The following VWA3B variants were observed in gnomAD, a reference collection of about 807,000 sequenced individuals.
The protein encoded by VWA3B is von Willebrand factor A domain containing 3B, also known as von Willebrand factor A domain-containing protein 3B.
In VWA3B, 138 loss-of-function variants were observed where a neutral mutation model predicts 158.3. The ratio of observed to expected loss-of-function variants is 0.87; its 90% CI spans 0.76 to 1.00. The LOEUF is 1.00. VWA3B is among the 50% of genes least tolerant of loss of function. The pLI is 0.00. For missense variants in VWA3B, 1,555 were observed against 1,565.1 expected (o/e 0.99, Z 0.11); for synonymous variants, 596 against 587.3 (o/e 1.01, Z -0.21).
At chr2:98,216,693 G>A (rs1265926221) in intron 13 of VWA3B, 1 of 471,402 alleles carries the variant, frequency 2.1e-6, no homozygotes, top group African/African-American at 2.0e-5. Flanking sequence ...CCTTATCCTA[G>A]GCTGACAGCA....
At chr2:98,192,538 T>C (rs1167076640) in intron 10 of VWA3B, among the ~76,000 whole-genome samples, 1 of 152,028 alleles carries the variant, frequency 6.6e-6, no homozygotes, top group Non-Finnish European at 1.5e-5. Flanking sequence ...TCTTTTGTGG[T>C]GGAATGTCAT....
At chr2:98,243,318 T>C (rs1392851947) in intron 19 of VWA3B, among the ~76,000 whole-genome samples, 1 of 152,058 alleles carries the variant, frequency 6.6e-6, no homozygotes, top group Non-Finnish European at 1.5e-5. Context: ...CAAGTTTAGA[T>C]TGAAAAACTG....
intron 7 of VWA3B, among the ~76,000 whole-genome samples, chr2:98,146,938 A>T (rs1677215509): frequency 6.6e-6 from 1 of 152,210 alleles, no homozygotes; most frequent in African/African-American, 2.4e-5. Context: ...TGGAGTGGAC[A>T]GTGTCAGCCA....
chr2:98,128,628 G>C (rs528705107), intron 6 of VWA3B, among the ~76,000 whole-genome samples: 16 of 152,198 alleles, frequency 1.1e-4, no homozygotes, highest in Admixed American at 7.8e-4. Flanking sequence ...TTGGTGCCTT[G>C]CTGGTCCAGG....
At chr2:98,159,655 A>C (rs923469950) in intron 7 of VWA3B, among the ~76,000 whole-genome samples, 37 of 152,224 alleles carry the variant, frequency 2.4e-4, no homozygotes, top group African/African-American at 7.9e-4. Context: ...GAATGACTCC[A>C]TTAGGAACCG....
In VWA3B at chr2:98,189,338, C is replaced by T. The variant is rs551803539; in HGVS notation, c.1466+1209C>T. ...AGGAGAATCGCTTGAACCCGGGAGGCGGAGCTTGCAGATCGCACTACTGCA... is the reference window on the plus strand; with the variant it reads ...AGGAGAATCGCTTGAACCCGGGAGGTGGAGCTTGCAGATCGCACTACTGCA... On this transcript the variant is annotated intron_variant, in intron 10 of 27. Transcript: ENST00000477737. Among the ~76,000 whole-genome samples, 11 of 152,298 alleles carry T rather than the reference C, an allele frequency of 7.2e-5. No individual in the cohort carries two copies. In the South Asian group the frequency reaches 1.4e-3, roughly 20 times the overall value.
chr2:98,154,003 A>G (rs1389108766), intron 7 of VWA3B, among the ~76,000 whole-genome samples: 1 of 152,032 alleles, frequency 6.6e-6, no homozygotes, highest in East Asian at 1.9e-4. Flanking sequence ...CTGGGATTAC[A>G]GGCGCCTGTC....
In VWA3B at chr2:98,270,901, C is replaced by T; in HGVS notation, c.3045+18C>T. 6.2e-7 allele frequency: 1 copy of T among 1,611,508 alleles called. No individual in the cohort carries two copies. Among genetic ancestry groups the T allele is most frequent in the Non-Finnish European group, 8.5e-7 (1 of 1,178,522 alleles). The stretch of plus-strand genomic sequence containing the variant: ...CGGGAGAGGTGGGTGCCCTGGAGGT[C>T]TCTGTCTTTCCTCCCTCTCTGCCTA... On this transcript the variant is annotated intron_variant, in intron 22 of 27. Coordinates refer to ENST00000477737, the MANE Select transcript of VWA3B (RefSeq NM_144992.5).
At chr2:98,264,011 A>G (rs1396243733) in intron 21 of VWA3B, among the ~76,000 whole-genome samples, 1 of 151,592 alleles carries the variant, frequency 6.6e-6, no homozygotes, top group African/African-American at 2.4e-5. Context: ...TTGGTTATGC[A>G]ATTTGTCGGT....
intron 20 of VWA3B, among the ~76,000 whole-genome samples, chr2:98,255,153 A>G (rs1687035135): frequency 7.0e-6 from 1 of 142,996 alleles, no homozygotes; most frequent in African/African-American, 2.7e-5. Flanking sequence ...AGCTGGGAGT[A>G]CAGTCGCCCG....
Position 98,275,606 on chromosome 2 carries a change from G to A in VWA3B, c.3045+4723G>A, listed in dbSNP as rs115929587. Among the ~76,000 whole-genome samples the A allele has an allele frequency of 4.1e-3, 630 of 152,376 alleles. 3 individuals are homozygous for A. The highest frequency in any genetic ancestry group is 6.3e-3 in the Non-Finnish European group (432 of 68,042). ...AATCAAAGCACTGGACTAAAAGATG[G>A]TTGTGAGACCACGTACTTCACATAC... On this transcript the variant is annotated intron_variant, in intron 22 of 27. Transcript: ENST00000477737.
At chr2:98,301,675 G>A (rs1229570738) in intron 25 of VWA3B, among the ~76,000 whole-genome samples, 2 of 152,172 alleles carry the variant, frequency 1.3e-5, no homozygotes, top group Non-Finnish European at 2.9e-5. Context: ...TTGCTCATTG[G>A]ACGGATGTTT....
intron 19 of VWA3B, among the ~76,000 whole-genome samples, chr2:98,242,015 G>C (rs185769309): frequency 6.6e-6 from 1 of 152,082 alleles, no homozygotes; most frequent in Admixed American, 6.5e-5. Context: ...ATACCTTTTT[G>C]ATGTTTGGAC....
the VWA3B span, among the ~76,000 whole-genome samples, chr2:98,329,366 A>G: frequency 1.3e-5 from 2 of 152,162 alleles, no homozygotes; most frequent in Non-Finnish European, 2.9e-5. Flanking sequence ...ACTTCTACTC[A>G]AAAAAAGATA....
In VWA3B at chr2:98,298,040, T is replaced by A; in HGVS notation, c.3282+9T>A. 1 of 1,538,290 alleles carries A rather than the reference T, an allele frequency of 6.5e-7. No individual in the cohort carries two copies. The highest frequency in any genetic ancestry group is 1.3e-5 in the South Asian group (1 of 79,054). ...CCTGCCCGCTGCTCCAGGTACCCAG[T>A]CCCTGATGTGTTCTGGGGCCCCTTT... On this transcript the variant is annotated intron_variant, in intron 24 of 27. Transcript: ENST00000477737.
At chr2:98,330,029 C>T in the VWA3B span, among the ~76,000 whole-genome samples, 3 of 152,246 alleles carry the variant, frequency 2.0e-5, no homozygotes, top group South Asian at 2.1e-4. Context: ...CTGTGATCTC[C>T]GGACCTATGA....
Position 98,212,021 on chromosome 2 carries a change from C to T in VWA3B, c.1829C>T (p.Pro610Leu), listed in dbSNP as rs1285327898. ...QAIYLLTDGR[P>L]DQPPETVIDQ... ...ATCTACCTTCTGACCGATGGGAGAC[C>T]TGATCAGGTACTTACCAGAGCTGGG... is the stretch of plus-strand genomic sequence containing the variant. Residue 610 changes from proline to leucine, a missense_variant, in exon 13 of 28, where the codon CCT becomes CTT. Pro to Leu is a moderately conservative substitution (Grantham distance 98). Coordinates refer to ENST00000477737, the MANE Select transcript of VWA3B (RefSeq NM_144992.5). 6.2e-7 allele frequency: 1 copy of T among 1,613,804 alleles called. No homozygotes were observed. Among genetic ancestry groups the T allele is most frequent in the African/African-American group, 1.3e-5 (1 of 74,918 alleles).
At chr2:98,268,151 A>C (rs887222324) in intron 21 of VWA3B, among the ~76,000 whole-genome samples, 2 of 151,560 alleles carry the variant, frequency 1.3e-5, no homozygotes, top group African/African-American at 4.9e-5. Context: ...AACTATTCCA[A>C]TCAATAGAAA....
chr2:98,246,716 A>G (rs1349041481), intron 19 of VWA3B, among the ~76,000 whole-genome samples: 2 of 152,050 alleles, frequency 1.3e-5, no homozygotes, highest in African/African-American at 4.8e-5. Context: ...GCACTAAAAC[A>G]TCGTCCTACA....
Sources: allele counts gnomAD v4.1 joint callset (sites outside exome capture counted in the v4.1 genomes callset), GRCh38; gene constraint gnomAD v4.1.1; transcripts MANE v1.5; gene names NCBI Gene and HGNC (gene_info 2026-07-23, HGNC 2026-07-21).